The following LOC128125817 variants were observed in gnomAD, a reference collection of about 807,000 sequenced individuals.
the LOC128125817 span, among the ~76,000 whole-genome samples, chr1:41,623,734 C>T: frequency 1.3e-5 from 2 of 152,218 alleles, no homozygotes; most frequent in African/African-American, 4.8e-5. Flanking sequence ...TGACATCCAA[C>T]CCCACGCCGG....
chr1:41,611,077 G>C, the LOC128125817 span, among the ~76,000 whole-genome samples: 5 of 152,206 alleles, frequency 3.3e-5, no homozygotes, highest in African/African-American at 1.2e-4. Flanking sequence ...CAGGGTGTGG[G>C]GGCAGAAGGG....
chr1:41,598,146 CG>C, the LOC128125817 span, among the ~76,000 whole-genome samples: 2 of 152,174 alleles, frequency 1.3e-5, no homozygotes, highest in Non-Finnish European at 2.9e-5. Flanking sequence ...ATGAGAGTTG[CG>C]CAGGCCCAGC....
At chr1:41,615,948 T>TC in the LOC128125817 span, among the ~76,000 whole-genome samples, 1 of 147,866 alleles carries the variant, frequency 6.8e-6, no homozygotes, top group East Asian at 2.1e-4. Flanking sequence ...TATTAATAAC[T>TC]CCAAGACTCC....
chr1:41,612,393 T>A, the LOC128125817 span, among the ~76,000 whole-genome samples: 1 of 152,202 alleles, frequency 6.6e-6, no homozygotes, highest in South Asian at 2.1e-4. Flanking sequence ...TCATTTAATT[T>A]CACCCAAGTT....
At chr1:41,608,858 G>A in the LOC128125817 span, among the ~76,000 whole-genome samples, 1 of 151,074 alleles carries the variant, frequency 6.6e-6, no homozygotes, top group South Asian at 2.1e-4. Flanking sequence ...GATCACTTGA[G>A]GTCAGGAGTT....
chr1:41,626,085 C>T, the LOC128125817 span, among the ~76,000 whole-genome samples: 1 of 152,234 alleles, frequency 6.6e-6, no homozygotes, highest in African/African-American at 2.4e-5. Context: ...CCACTTCAGG[C>T]CCCTTCTGAA....
At chr1:41,618,296 A>C in the LOC128125817 span, among the ~76,000 whole-genome samples, 1 of 152,228 alleles carries the variant, frequency 6.6e-6, no homozygotes, top group Non-Finnish European at 1.5e-5. Flanking sequence ...ATGCCGGGCC[A>C]GGAGGTTAAC....
At chr1:41,587,049 A>T in the LOC128125817 span, among the ~76,000 whole-genome samples, 1 of 152,100 alleles carries the variant, frequency 6.6e-6, no homozygotes, top group Non-Finnish European at 1.5e-5. Context: ...CCTGGCAGCC[A>T]AGGAGAAAAG....
chr1:41,625,732 A>G, the LOC128125817 span, among the ~76,000 whole-genome samples: 165 of 152,306 alleles, frequency 1.1e-3, no homozygotes, highest in African/African-American at 3.5e-3. Flanking sequence ...AAGACAGTAT[A>G]TATCAAAAAT....
chr1:41,609,154 G>T, the LOC128125817 span, among the ~76,000 whole-genome samples: 1 of 152,204 alleles, frequency 6.6e-6, no homozygotes, highest in Non-Finnish European at 1.5e-5. Flanking sequence ...GGAAATCAAT[G>T]CATTCATGAC....
At chr1:41,588,722 G>A in the LOC128125817 span, among the ~76,000 whole-genome samples, 1 of 152,288 alleles carries the variant, frequency 6.6e-6, no homozygotes, top group African/African-American at 2.4e-5. Flanking sequence ...TGGCTGCCAG[G>A]GCGCAGAGTG....
At chr1:41,627,211 T>C in the LOC128125817 span, among the ~76,000 whole-genome samples, 6 of 152,254 alleles carry the variant, frequency 3.9e-5, no homozygotes, top group South Asian at 1.0e-3. Context: ...GGGAGGTCCT[T>C]GTTAACGTGG....
the LOC128125817 span, among the ~76,000 whole-genome samples, chr1:41,626,742 C>T: frequency 6.6e-6 from 1 of 152,160 alleles, no homozygotes; most frequent in Admixed American, 6.5e-5. Flanking sequence ...GGAAGTGCCC[C>T]AGGATGCCGA....
the LOC128125817 span, among the ~76,000 whole-genome samples, chr1:41,622,421 G>A: frequency 6.6e-6 from 1 of 152,196 alleles, no homozygotes; most frequent in African/African-American, 2.4e-5. Context: ...GAGATAACGG[G>A]AACAGGCTGA....
the LOC128125817 span, among the ~76,000 whole-genome samples, chr1:41,619,078 T>C: frequency 1.3e-5 from 2 of 149,366 alleles, no homozygotes; most frequent in African/African-American, 5.0e-5. Context: ...TGCTCAGGCC[T>C]CCCAGGGCTT....
chr1:41,626,861 T>C, the LOC128125817 span, among the ~76,000 whole-genome samples: 7 of 152,186 alleles, frequency 4.6e-5, no homozygotes, highest in Non-Finnish European at 8.8e-5. Context: ...TCAGGAAGCA[T>C]CTTGGTGGAG....
At chr1:41,610,488 G>A in the LOC128125817 span, among the ~76,000 whole-genome samples, 1 of 152,200 alleles carries the variant, frequency 6.6e-6, no homozygotes, top group Admixed American at 6.5e-5. Flanking sequence ...AATCCTACTG[G>A]ATGGTGGGAG....
chr1:41,595,407 C>T, the LOC128125817 span, among the ~76,000 whole-genome samples: 1 of 152,312 alleles, frequency 6.6e-6, no homozygotes, highest in East Asian at 1.9e-4. Flanking sequence ...TCTCTCCATC[C>T]TGCTCTTACA....
At chr1:41,624,582 C>G in the LOC128125817 span, among the ~76,000 whole-genome samples, 19 of 152,256 alleles carry the variant, frequency 1.2e-4, no homozygotes, top group East Asian at 3.3e-3. Flanking sequence ...ACTCTATATG[C>G]GTACACAAAA....
Sources: allele counts gnomAD v4.1 joint callset (sites outside exome capture counted in the v4.1 genomes callset), GRCh38; gene constraint gnomAD v4.1.1; transcripts MANE v1.5.